GPC6: variants seen among roughly 807,000 people sequenced by gnomAD.
GPC6 encodes the protein glypican-6.
Under a neutral mutation model 55.2 loss-of-function variants are expected in GPC6, and 14 were observed. That is an observed-to-expected ratio of 0.25 (90% confidence interval 0.17 to 0.40). The LOEUF (loss-of-function observed/expected upper bound fraction) is 0.40, where lower values mean the gene tolerates loss of function less well. Ranked by LOEUF, GPC6 falls within the 10% of genes least tolerant of loss-of-function variation. The pLI is 1.00. For synonymous variants in GPC6, 278 were observed against 259.6 expected, an observed-to-expected ratio of 1.07 and a Z score of -0.68; for missense variants, 641 against 708.5, an observed-to-expected ratio of 0.90 and a Z score of 1.08.
Position 93,227,204 on chromosome 13 carries a change from T to TG in GPC6, c.-248dup. 2.4e-6 allele frequency: 1 copy of TG among 417,670 alleles called. No individual in the cohort carries two copies. Among genetic ancestry groups the TG allele is most frequent in the East Asian group, 3.7e-5 (1 of 27,132 alleles). 25.9% of individuals were successfully genotyped at this position (417,670 alleles called of 1,614,324 possible). ...TCGTTTTGATTGCACCGTTTCCATC[T>TG]GGGGGCTAGAGGAGCAAGGCAGCAG... On this transcript the variant is annotated 5_prime_UTR_variant, in exon 1 of 9. Coordinates refer to ENST00000377047, the MANE Select transcript of GPC6 (RefSeq NM_005708.5). The surrounding 1 kb of genome is among the most constrained non-coding windows in gnomAD (Gnocchi z 4.3).
chr13:94,115,574 A>G (rs1886406938), intron 4 of GPC6, among the ~76,000 whole-genome samples: 1 of 152,142 alleles, frequency 6.6e-6, no homozygotes, highest in Non-Finnish European at 1.5e-5. Context: ...AGTCATGACC[A>G]GAATTTGGTG....
chr13:93,530,253 G>T (rs980562696), intron 1 of GPC6, among the ~76,000 whole-genome samples: 6 of 152,156 alleles, frequency 3.9e-5, no homozygotes, highest in African/African-American at 1.4e-4. Context: ...GGTTCACCTT[G>T]TCATGATGAT....
intron 2 of GPC6, among the ~76,000 whole-genome samples, chr13:93,729,729 A>G (rs1437575240): frequency 3.9e-5 from 6 of 152,192 alleles, no homozygotes; most frequent in Admixed American, 3.9e-4. Context: ...TATACTCAAC[A>G]TAAATGCTTA....
At chr13:93,735,154 G>A (rs895706636) in intron 2 of GPC6, among the ~76,000 whole-genome samples, 1 of 152,016 alleles carries the variant, frequency 6.6e-6, no homozygotes, top group African/African-American at 2.4e-5. Flanking sequence ...GAAAAACAAG[G>A]AGCCTATAAT....
intron 1 of GPC6, among the ~76,000 whole-genome samples, chr13:93,408,276 T>A (rs1354566444): frequency 2.6e-5 from 4 of 152,138 alleles, no homozygotes; most frequent in African/African-American, 9.7e-5. Flanking sequence ...AATACAGATC[T>A]TTATAGAGAA....
intron 3 of GPC6, among the ~76,000 whole-genome samples, chr13:93,911,546 C>T (rs1344414937): frequency 6.6e-6 from 1 of 152,132 alleles, no homozygotes; most frequent in Non-Finnish European, 1.5e-5. Context: ...AGCCTGGAAG[C>T]ACTGCATGGC....
intron 2 of GPC6, among the ~76,000 whole-genome samples, chr13:93,786,636 G>A (rs1219344604): frequency 6.7e-6 from 1 of 149,784 alleles, no homozygotes; most frequent in Non-Finnish European, 1.5e-5. Flanking sequence ...ATTGTTTGAC[G>A]ACTGAAAACT....
At chr13:93,230,093 G>A (rs1875957159) in intron 1 of GPC6, among the ~76,000 whole-genome samples, 1 of 151,898 alleles carries the variant, frequency 6.6e-6, no homozygotes, top group African/African-American at 2.4e-5. Context: ...GGCATCTAAT[G>A]GTTTGCTTGA....
chr13:93,812,401 A>C (rs949715909), intron 2 of GPC6, among the ~76,000 whole-genome samples: 3 of 151,900 alleles, frequency 2.0e-5, no homozygotes, highest in African/African-American at 7.3e-5. Flanking sequence ...AAAAAAAAAG[A>C]AGGAGATCTG....
chr13:93,446,583 G>A (rs2139295708), intron 1 of GPC6, among the ~76,000 whole-genome samples: 1 of 152,222 alleles, frequency 6.6e-6, no homozygotes, highest in Non-Finnish European at 1.5e-5. Flanking sequence ...GGAATAATTA[G>A]ACATAGCATG....
chr13:93,810,856 T>A (rs1886675491), intron 2 of GPC6, among the ~76,000 whole-genome samples: 1 of 152,260 alleles, frequency 6.6e-6, no homozygotes, highest in African/African-American at 2.4e-5. Context: ...ATGTATATTT[T>A]CTTTCTTACT....
Position 93,322,142 on chromosome 13 carries a change from T to C in GPC6, c.160+94526T>C, listed in dbSNP as rs537729265. Among the ~76,000 whole-genome samples, 244 of 152,356 alleles carry C rather than the reference T, an allele frequency of 1.6e-3. 1 individual carries two copies. The highest frequency in any genetic ancestry group is 6.8e-3 in the Middle Eastern group (2 of 294). The stretch of plus-strand genomic sequence containing the variant: ...AACGTTGACTTGCTACCAAAATTTC[T>C]AAGTTTATTCTTTTTTAAAACTTTT... On this transcript the variant is annotated intron_variant, in intron 1 of 8. Transcript: ENST00000377047.
chr13:93,433,125 T>G (rs982023132), intron 1 of GPC6, among the ~76,000 whole-genome samples: 3 of 152,178 alleles, frequency 2.0e-5, no homozygotes, highest in Non-Finnish European at 4.4e-5. Flanking sequence ...ATGTGAGCTA[T>G]CAGTGTGGCA....
At chr13:93,696,071 T>C (rs990764142) in intron 2 of GPC6, among the ~76,000 whole-genome samples, 1 of 152,190 alleles carries the variant, frequency 6.6e-6, no homozygotes, top group South Asian at 2.1e-4. Flanking sequence ...CTTTTTGAAA[T>C]GTATTCCCAA....
At chr13:93,341,742 A>G (rs896985216) in intron 1 of GPC6, among the ~76,000 whole-genome samples, 5 of 149,464 alleles carry the variant, frequency 3.3e-5, no homozygotes, top group Non-Finnish European at 7.4e-5. Context: ...TTTTAGTTTA[A>G]TTAGGTCCCA....
chr13:94,213,985 T>C (rs748861607), intron 4 of GPC6, among the ~76,000 whole-genome samples: 6 of 152,234 alleles, frequency 3.9e-5, no homozygotes, highest in Non-Finnish European at 8.8e-5. Context: ...TTTTGTTCTA[T>C]TCACAGGGGT....
intron 6 of GPC6, among the ~76,000 whole-genome samples, chr13:94,333,291 G>A (rs1228218103): frequency 1.3e-5 from 2 of 152,162 alleles, no homozygotes; most frequent in African/African-American, 4.8e-5. Context: ...ATGCAGTCAT[G>A]GCCATAAATC....
chr13:93,832,970 G>C (rs201179099), intron 3 of GPC6, among the ~76,000 whole-genome samples: 11 of 151,990 alleles, frequency 7.2e-5, no homozygotes, highest in African/African-American at 2.7e-4. Context: ...TGGCTTGTTT[G>C]ACCTGAGTTT....
chr13:93,926,882 C>T (rs898153539), intron 3 of GPC6, among the ~76,000 whole-genome samples: 1 of 152,040 alleles, frequency 6.6e-6, no homozygotes, highest in Non-Finnish European at 1.5e-5. Context: ...AGAGCTTATG[C>T]GAACATGTGT....
Sources: allele counts gnomAD v4.1 joint callset (sites outside exome capture counted in the v4.1 genomes callset), GRCh38; gene constraint gnomAD v4.1.1; non-coding constraint Gnocchi (gnomAD v3.1); transcripts MANE v1.5; gene names NCBI Gene and HGNC (gene_info 2026-07-23, HGNC 2026-07-21).